FIGN: variants seen among roughly 807,000 people sequenced by gnomAD.
FIGN encodes the protein fidgetin, microtubule severing factor.
FIGN carries 11 observed loss-of-function variants against 51.3 expected under a neutral mutation model. The observed-to-expected ratio is 0.21, with a 90% CI of 0.13 to 0.35. FIGN has a LOEUF of 0.35. FIGN is among the 10% of genes least tolerant of loss of function. FIGN has a pLI of 1.00. For synonymous variants in FIGN, 407 were observed against 363.2 expected, an observed-to-expected ratio of 1.12 and a Z score of -1.37; for missense variants, 857 against 943.6, an observed-to-expected ratio of 0.91 and a Z score of 1.20.
chr2:163,624,580 C>G (rs1683025581), intron 2 of FIGN, among the ~76,000 whole-genome samples: 1 of 151,654 alleles, frequency 6.6e-6, no homozygotes, highest in Non-Finnish European at 1.5e-5. Flanking sequence ...ACAATTCTCT[C>G]TTCATTAGTG....
chr2:163,605,335 T>C lies in FIGN; in HGVS notation c.*4217A>G, dbSNP rs922832128. 1.3e-5 allele frequency: 2 copies of C among 152,102 alleles called. No homozygotes were observed. Among genetic ancestry groups the C allele is most frequent in the African/African-American group, 4.8e-5 (2 of 41,440 alleles). 9.4% of individuals were successfully genotyped at this position (152,102 alleles called of 1,614,324 possible). On this transcript the variant is annotated 3_prime_UTR_variant, in exon 3 of 3. Coordinates refer to ENST00000333129, the MANE Select transcript of FIGN (RefSeq NM_018086.4). ...GTGTGAGCTTCAGTTCATGTGTTGG[T>C]TAGTCACAAGTACAGCTGGTTGTGA...
chr2:163,636,426 C>T lies in FIGN; in HGVS notation c.26-24620G>A, dbSNP rs117511985. On this transcript the variant is annotated intron_variant, in intron 2 of 2. Coordinates refer to ENST00000333129, the MANE Select transcript of FIGN (RefSeq NM_018086.4). ...TCAGCCTCCCGAGTAGCTGGTATTA[C>T]GGGCATGTGCCACCAAGCCCAGCTA... is the stretch of plus-strand genomic sequence containing the variant. Among the ~76,000 whole-genome samples the T allele has an allele frequency of 3.5e-3, 526 of 152,238 alleles. 3 individuals carry two copies. Among genetic ancestry groups the T allele is most frequent in the East Asian group, 0.023 (120 of 5,178 alleles).
Position 163,611,381 on chromosome 2 carries a change from A to C in FIGN, c.451T>G (p.Ser151Ala). Residue 151 changes from serine to alanine, a missense_variant, in exon 3 of 3, where the codon TCT (serine) becomes GCT (alanine). Around this residue, in one of 3 missense-constraint regions of FIGN, gnomAD observed 799 missense variants for 849.5 expected, o/e 0.94. Coordinates refer to ENST00000333129, the MANE Select transcript of FIGN (RefSeq NM_018086.4). ...GTCAGGTTGCTGGCTACCCCAGGAGAGCTTCCTATACTCGCAGAGACATCT... is the reference window on the plus strand; with the variant it reads ...GTCAGGTTGCTGGCTACCCCAGGAGCGCTTCCTATACTCGCAGAGACATCT... ...PADVSASIGS[S>A]PGVASNLTEP... 6.2e-7 allele frequency: 1 copy of C among 1,614,096 alleles called. No individual in the cohort carries two copies. Among genetic ancestry groups the C allele is most frequent in the South Asian group, 1.1e-5 (1 of 91,080 alleles).
At position 163,734,916 on chromosome 2, in the gene FIGN, G is replaced by A. The variant is rs1306192190; in HGVS notation, c.12C>T (p.Ser4=). The part of the protein sequence containing the change: MIS[S]TSVYGLKMQW... ...AAACTGACATACCATAAACACTGGTGCTACTGATCATTTCTTGCTGGCAGC... is the reference window on the plus strand; with the variant it reads ...AAACTGACATACCATAAACACTGGTACTACTGATCATTTCTTGCTGGCAGC... The change falls in exon 2 of 3, where the codon AGC becomes AGT. Residue 4 remains serine, a synonymous_variant. Transcript: ENST00000333129. 4.3e-6 allele frequency: 7 copies of A among 1,610,418 alleles called. No individual in the cohort carries two copies. Among genetic ancestry groups the A allele is most frequent in the African/African-American group, 1.3e-5 (1 of 74,720 alleles).
intron 2 of FIGN, among the ~76,000 whole-genome samples, chr2:163,676,475 ATATATAT>A (rs1559017824): frequency 1.6e-4 from 17 of 107,138 alleles, no homozygotes; most frequent in African/African-American, 4.9e-4. Flanking sequence ...ATATATATAT[ATATATAT>A]AACTAGAGTC....
chr2:163,690,241 A>G (rs2105344784), intron 2 of FIGN, among the ~76,000 whole-genome samples: 1 of 152,304 alleles, frequency 6.6e-6, no homozygotes, highest in South Asian at 2.1e-4. Flanking sequence ...AATTTCAAAC[A>G]GGACATGACA....
chr2:163,649,415 T>C (rs1683435267), intron 2 of FIGN, among the ~76,000 whole-genome samples: 1 of 152,300 alleles, frequency 6.6e-6, no homozygotes, highest in Admixed American at 6.5e-5. Flanking sequence ...GTCTGACTTT[T>C]AATGTGAAGA....
chr2:163,701,248 T>A (rs1684403441), intron 2 of FIGN, among the ~76,000 whole-genome samples: 1 of 152,124 alleles, frequency 6.6e-6, no homozygotes, highest in South Asian at 2.1e-4. Context: ...CAGCACTGAG[T>A]CTGCTTACCT....
At chr2:163,642,866 A>G (rs1160331307) in intron 2 of FIGN, among the ~76,000 whole-genome samples, 1 of 152,222 alleles carries the variant, frequency 6.6e-6, no homozygotes, top group African/African-American at 2.4e-5. Flanking sequence ...AAACTACAAA[A>G]TGTTATTGAA....
At chr2:163,650,240 T>G (rs992839916) in intron 2 of FIGN, among the ~76,000 whole-genome samples, 1 of 152,114 alleles carries the variant, frequency 6.6e-6, no homozygotes, top group South Asian at 2.1e-4. Context: ...AATATAGTGA[T>G]ACACTCAGGG....
intron 2 of FIGN, among the ~76,000 whole-genome samples, chr2:163,670,039 G>C (rs1683850172): frequency 6.6e-6 from 1 of 152,084 alleles, no homozygotes; most frequent in Non-Finnish European, 1.5e-5. Flanking sequence ...AATATTACAA[G>C]ATTTATGTTT....
At chr2:163,639,866 CTAATATTT>C (rs749757066) in intron 2 of FIGN, among the ~76,000 whole-genome samples, 3 of 152,056 alleles carry the variant, frequency 2.0e-5, no homozygotes, top group Non-Finnish European at 4.4e-5. Flanking sequence ...GTCTAACATT[CTAATATTT>C]TAAGTTTCTG....
intron 2 of FIGN, among the ~76,000 whole-genome samples, chr2:163,681,495 G>A (rs75879043): frequency 6.6e-6 from 1 of 152,132 alleles, no homozygotes; most frequent in East Asian, 1.9e-4. Context: ...AGGATCCCTT[G>A]AGTCCAGATG....
In FIGN at chr2:163,659,034, T is replaced by TG. The variant is rs147379851; in HGVS notation, c.26-47229dup. 2.0e-3 allele frequency among the ~76,000 whole-genome samples: 298 copies of TG among 152,268 alleles called. 2 individuals carry two copies. The highest frequency in any genetic ancestry group is 6.5e-3 in the African/African-American group (271 of 41,552). ...ATCATCTATACCCACAAAGGAATCT[T>TG]GCTCTGTTCATCTAACCTTCGAAGT... is the stretch of plus-strand genomic sequence containing the variant. On this transcript the variant is annotated intron_variant, in intron 2 of 2. Transcript: ENST00000333129.
chr2:163,676,459 A>ATATATATATATATATATC (rs1683968560), intron 2 of FIGN, among the ~76,000 whole-genome samples: 1 of 96,588 alleles, frequency 1.0e-5, no homozygotes, highest in Non-Finnish European at 2.1e-5. Context: ...ATATATATAT[A>ATATATATATATATATATC]TATATATATA....
At chr2:163,711,044 GA>G (rs1278043618) in intron 2 of FIGN, among the ~76,000 whole-genome samples, 1 of 151,608 alleles carries the variant, frequency 6.6e-6, no homozygotes, top group Admixed American at 6.6e-5. Context: ...CACAACATAA[GA>G]AAAAAAGCAT....
intron 2 of FIGN, among the ~76,000 whole-genome samples, chr2:163,694,868 G>C (rs74678864): frequency 0.025 from 3,776 of 152,030 alleles, 157 homozygotes; most frequent in African/African-American, 0.086. Context: ...GCTTAAGTTG[G>C]ACTTCAACTT....
intron 2 of FIGN, among the ~76,000 whole-genome samples, chr2:163,686,503 A>G (rs1209908176): frequency 2.0e-5 from 3 of 152,128 alleles, no homozygotes; most frequent in African/African-American, 7.2e-5. Context: ...TTGCTATATA[A>G]AGCAGAGTTG....
At chr2:163,632,411 G>A (rs2105311534) in intron 2 of FIGN, among the ~76,000 whole-genome samples, 1 of 152,264 alleles carries the variant, frequency 6.6e-6, no homozygotes, top group East Asian at 1.9e-4. Flanking sequence ...CTTAACATGT[G>A]TGCTTTAGAA....
Sources: allele counts gnomAD v4.1 joint callset (sites outside exome capture counted in the v4.1 genomes callset), GRCh38; gene constraint gnomAD v4.1.1; regional missense constraint gnomAD v4.1.1; transcripts MANE v1.5; gene names NCBI Gene and HGNC (gene_info 2026-07-23, HGNC 2026-07-21).